The following NSUN3 variants were observed in gnomAD, a reference collection of about 807,000 sequenced individuals.
NSUN3 encodes the protein tRNA (cytosine(34)-C(5))-methyltransferase, mitochondrial.
NSUN3 carries 24 observed loss-of-function variants against 36.8 expected under a neutral mutation model. The ratio of observed to expected loss-of-function variants is 0.65; its 90% confidence interval spans 0.47 to 0.92. NSUN3 has a LOEUF of 0.92. Ranked by LOEUF, NSUN3 falls within the 40% of genes least tolerant of loss-of-function variation. The probability of loss-of-function intolerance (pLI) is 0.00; values close to 1 mark genes in which losing one functional copy is unlikely to be tolerated. For missense variants in NSUN3, 381 were observed against 392.8 expected, an observed-to-expected ratio of 0.97 and a Z score of 0.25; for synonymous variants, 146 against 145.2, an observed-to-expected ratio of 1.01 and a Z score of -0.04.
intron 3 of NSUN3, 102 bp from the exon 4 acceptor site, chr3:94,094,038 A>T: frequency 1.2e-6 from 1 of 817,630 alleles, no homozygotes. Flanking sequence ...ATTTCTGCAT[A>T]ATTATGATGA....
intron 3 of NSUN3, among the ~76,000 whole-genome samples, chr3:94,088,816 G>A (rs922994619): frequency 2.6e-5 from 4 of 151,934 alleles, no homozygotes; most frequent in African/African-American, 7.3e-5. Flanking sequence ...GGGATTATAG[G>A]CACATGCCAC....
In NSUN3 at chr3:94,130,356, G is replaced by A. The variant is rs2077504779; in HGVS notation, c.*3866G>A. On this transcript the variant is annotated 3_prime_UTR_variant, in exon 6 of 6. Transcript: ENST00000314622. The stretch of plus-strand genomic sequence containing the variant: ...GATATCAGAGTTAATACTGTGAAGA[G>A]ACAAAATAATGAGAATACTTTTACC... Among the ~76,000 whole-genome samples the A allele has an allele frequency of 6.6e-6, 1 of 152,140 alleles. No individual in the cohort carries two copies. The highest frequency in any genetic ancestry group is 1.5e-5 in the Non-Finnish European group (1 of 68,034).
At position 94,094,227 on chromosome 3, in the gene NSUN3, A is replaced by G. The variant is rs137864094; in HGVS notation, c.554A>G (p.Asn185Ser). Residue 185 changes from asparagine (N) to serine (S), a missense_variant, in exon 4 of 6, where the codon AAT becomes AGT. Coordinates refer to ENST00000314622, the MANE Select transcript of NSUN3 (RefSeq NM_022072.5). ...LESFIPQPLI[N>S]VIKVSELDGR... is the part of the protein sequence containing the mutation. ...TCTTTCATCCCACAGCCTTTGATAA[A>G]TGTAATTAAAGTGTCTGAATTGGAT... The G allele has an allele frequency of 1.9e-6, 3 of 1,613,682 alleles. No homozygotes were observed. The highest frequency in any genetic ancestry group is 2.2e-5 in the South Asian group (2 of 91,022).
At chr3:94,088,166 C>G (rs959971547) in intron 3 of NSUN3, among the ~76,000 whole-genome samples, 1 of 152,070 alleles carries the variant, frequency 6.6e-6, no homozygotes, top group Non-Finnish European at 1.5e-5. Context: ...CCTGGAATGC[C>G]TTCTCTGAAC....
intron 5 of NSUN3, among the ~76,000 whole-genome samples, chr3:94,114,391 A>G (rs1576100119): frequency 6.6e-6 from 1 of 152,112 alleles, no homozygotes; most frequent in Non-Finnish European, 1.5e-5. Flanking sequence ...CAGACTATTT[A>G]CCTTGTACAT....
At position 94,129,448 on chromosome 3, in the gene NSUN3, G is replaced by A. The variant is rs927920617; in HGVS notation, c.*2958G>A. Among the ~76,000 whole-genome samples, 16 of 152,084 alleles carry A rather than the reference G, an allele frequency of 1.1e-4. No individual in the cohort carries two copies. The highest frequency in any genetic ancestry group is 3.9e-4 in the African/African-American group (16 of 41,404). On this transcript the variant is annotated 3_prime_UTR_variant, in exon 6 of 6. Transcript: ENST00000314622. ...CTTACAAATGGGAGCTAAATATCGA[G>A]TACACATGGACATAAAGGAACAATA...
rs1441962517 is a variant in NSUN3, at chr3:94,063,130, C to G, written c.4C>G (p.Leu2Val). The G allele has an allele frequency of 1.9e-5, 30 of 1,613,920 alleles. No individual in the cohort carries two copies. The highest frequency in any genetic ancestry group is 2.5e-5 in the Non-Finnish European group (30 of 1,180,002). ...TTTGAAAGCTCTCAGCGGGACAATG[C>G]TGACCCAGGTGAGACCTGGGGCCCG... The part of the protein sequence containing the change: M[L>V]TQLKAKSEGK... The change falls in exon 1 of 6, where the codon CTG (leucine) becomes GTG (valine). Residue 2 changes from leucine (L) to valine (V), a missense_variant. Coordinates refer to ENST00000314622, the MANE Select transcript of NSUN3 (RefSeq NM_022072.5).
At chr3:94,100,316 GTTAT>G (rs2077359718) in intron 5 of NSUN3, among the ~76,000 whole-genome samples, 1 of 152,188 alleles carries the variant, frequency 6.6e-6, no homozygotes, top group Non-Finnish European at 1.5e-5. Context: ...AGGACATTCT[GTTAT>G]TTACTACAAC....
chr3:94,089,874 C>CT (rs1164524202), intron 3 of NSUN3, among the ~76,000 whole-genome samples: 1 of 152,124 alleles, frequency 6.6e-6, no homozygotes, highest in Non-Finnish European at 1.5e-5. Flanking sequence ...CAGTCTAATT[C>CT]TTTCTTCTGA....
intron 1 of NSUN3, 82 bp downstream of exon 1, chr3:94,063,220 G>C (rs2077188423): frequency 1.5e-6 from 2 of 1,369,094 alleles, no homozygotes. Flanking sequence ...GAGGGTGCTG[G>C]GATGGGGGAA....
In NSUN3 at chr3:94,085,911, C is replaced by T. The variant is rs141345027; in HGVS notation, c.466+1461C>T. Among the ~76,000 whole-genome samples, 1,059 of 150,950 alleles carry T rather than the reference C, an allele frequency of 7.0e-3. 6 individuals carry two copies. Among genetic ancestry groups the T allele is most frequent in the South Asian group, 0.023 (112 of 4,770 alleles). ...TTTTAATTTTGTTGAAAGCAAATGA[C>T]GTGACACCATCTCAATTACAAAAGG... is the stretch of plus-strand genomic sequence containing the variant. On this transcript the variant is annotated intron_variant, in intron 3 of 5. Transcript: ENST00000314622.
intron 5 of NSUN3, among the ~76,000 whole-genome samples, chr3:94,102,109 C>T (rs985518431): frequency 2.7e-5 from 4 of 147,656 alleles, no homozygotes; most frequent in East Asian, 2.0e-4. Context: ...TTAGATTATT[C>T]GGTAACGTTT....
At position 94,116,463 on chromosome 3, in the gene NSUN3, A is replaced by G. The variant is rs1185912880; in HGVS notation, c.744-9748A>G. Among the ~76,000 whole-genome samples the G allele has an allele frequency of 2.0e-5, 3 of 152,222 alleles. No individual in the cohort carries two copies. The East Asian group carries it at 5.8e-4, about 29-fold the overall frequency. On this transcript the variant is annotated intron_variant, in intron 5 of 5. Transcript: ENST00000314622. ...GAATCCTTGGTGTATTGAAACCACAAAACAATCCAGTTTTCCTTAGAAAAC... is the reference window on the plus strand; with the variant it reads ...GAATCCTTGGTGTATTGAAACCACAGAACAATCCAGTTTTCCTTAGAAAAC...
intron 2 of NSUN3, chr3:94,076,829 A>G (rs1576083001): frequency 6.9e-6 from 11 of 1,584,874 alleles, no homozygotes; most frequent in African/African-American, 1.3e-5. Context: ...TTCTATTTCA[A>G]TTTTTCCACT....
intron 2 of NSUN3, among the ~76,000 whole-genome samples, chr3:94,064,986 G>A (rs1181127820): frequency 6.6e-6 from 1 of 152,012 alleles, no homozygotes; most frequent in South Asian, 2.1e-4. Context: ...TTCCTATGTC[G>A]ATGGCTGGGT....
chr3:94,115,030 G>A (rs1202101012), intron 5 of NSUN3, among the ~76,000 whole-genome samples: 1 of 151,964 alleles, frequency 6.6e-6, no homozygotes, highest in Admixed American at 6.6e-5. Flanking sequence ...TGTGTCCAGT[G>A]TTCTCTGGAA....
chr3:94,073,981 G>T (rs952101045), intron 2 of NSUN3, among the ~76,000 whole-genome samples: 30 of 152,146 alleles, frequency 2.0e-4, no homozygotes, highest in Admixed American at 1.1e-3. Flanking sequence ...TTCATATAAG[G>T]TGTAAGGAAG....
intron 3 of NSUN3, 31 bp from the exon 4 acceptor site, chr3:94,094,109 C>G: frequency 6.6e-7 from 1 of 1,513,968 alleles, no homozygotes; most frequent in Non-Finnish European, 8.9e-7. Context: ...CCATTGCCTT[C>G]ATTTGAAACT....
At chr3:94,098,989 C>T (rs540690278) in intron 5 of NSUN3, among the ~76,000 whole-genome samples, 28 of 152,164 alleles carry the variant, frequency 1.8e-4, no homozygotes, top group African/African-American at 6.3e-4. Context: ...TATTTTTATT[C>T]CTACCATATA....
Sources: gnomAD v4.1 joint callset for allele counts (sites outside exome capture counted in the v4.1 genomes callset) on GRCh38, gnomAD v4.1.1 for gene constraint, MANE v1.5 for transcripts, NCBI Gene and HGNC (gene_info 2026-07-23, HGNC 2026-07-21) for gene names.